RPA1: variants seen among roughly 807,000 people sequenced by gnomAD.
RPA1 encodes the protein replication protein A 70 kDa DNA-binding subunit.
In RPA1, 49 loss-of-function variants were observed where a neutral mutation model predicts 83.0. That is an observed-to-expected ratio of 0.59 (90% CI 0.47 to 0.75). The LOEUF is 0.75. RPA1 is among the 30% of genes least tolerant of loss of function. The pLI, the probability that RPA1 is intolerant of heterozygous loss-of-function variation, is 0.00. For missense variants in RPA1, 693 were observed against 776.1 expected, an observed-to-expected ratio of 0.89 and a Z score of 1.27; for synonymous variants, 279 against 281.8, an observed-to-expected ratio of 0.99 and a Z score of 0.10.
intron 3 of RPA1, among the ~76,000 whole-genome samples, chr17:1,844,259 A>G (rs145709143): frequency 7.2e-5 from 11 of 152,268 alleles, no homozygotes; most frequent in Non-Finnish European, 1.6e-4. Context: ...GATGATATTG[A>G]CATCGACTGA....
Position 1,878,928 on chromosome 17 carries a change from C to T in RPA1, c.691-65C>T. ...GGTGGCCTGTGTTCTATCCCAGTGT[C>T]ACTTGGGTGCTGGGGTGGCCTGTGT... On this transcript the variant is annotated intron_variant, in intron 8 of 16. Transcript: ENST00000254719. 3 of 1,501,390 alleles carry T rather than the reference C, an allele frequency of 2.0e-6. No individual in the cohort carries two copies. In the South Asian group the frequency reaches 3.4e-5, roughly 17 times the overall value. The allele number at this position is 1,501,390 out of a possible 1,614,324, so 93.0% of individuals were successfully genotyped here.
intron 15 of RPA1, among the ~76,000 whole-genome samples, chr17:1,892,368 A>T (rs1322200070): frequency 6.6e-6 from 1 of 152,160 alleles, no homozygotes; most frequent in Non-Finnish European, 1.5e-5. Flanking sequence ...TATTGTTTGT[A>T]TACAGTTTCT....
chr17:1,889,992 C>T (rs958030640), intron 14 of RPA1, among the ~76,000 whole-genome samples: 10 of 151,966 alleles, frequency 6.6e-5, no homozygotes, highest in African/African-American at 9.7e-5. Flanking sequence ...AAGAGCAAAA[C>T]TCCATCTCAA....
chr17:1,845,720 C>A (rs1912230059), intron 4 of RPA1, among the ~76,000 whole-genome samples: 2 of 152,046 alleles, frequency 1.3e-5, no homozygotes, highest in South Asian at 4.1e-4. Context: ...CACTTGAGCC[C>A]AGGAGTTTGC....
chr17:1,855,363 G>GTGTGTGTGTT lies in RPA1; in HGVS notation c.361+2177_361+2178insGTGTGTTTGT, dbSNP rs752248502. Among the ~76,000 whole-genome samples the GTGTGTGTGTT allele has an allele frequency of 2.1e-3, 254 of 120,154 alleles. 1 individual carries two copies. The highest frequency in any genetic ancestry group is 7.0e-3 in the African/African-American group (238 of 33,890). 78.8% of individuals were successfully genotyped at this position (120,154 alleles called of 152,430 possible). A position where few individuals can be genotyped will look rare whatever the true frequency, so the allele number is the denominator to read the frequency against. ...TGTGTGTGTGTGTGTGTGTGTGTGT[G>GTGTGTGTGTT]TGTTTAGTAGAGACAGGGTTTTGCC... On this transcript the variant is annotated intron_variant, in intron 5 of 16. Coordinates refer to ENST00000254719, the MANE Select transcript of RPA1 (RefSeq NM_002945.5).
At chr17:1,854,096 C>T (rs950064476) in intron 5 of RPA1, 4 of 151,958 alleles carry the variant, frequency 2.6e-5, no homozygotes, top group Non-Finnish European at 5.9e-5. Context: ...TAGAAAAGCA[C>T]ATTGAAATAA....
chr17:1,830,352 GAACA>G (rs1911494404), intron 1 of RPA1, among the ~76,000 whole-genome samples: 1 of 152,192 alleles, frequency 6.6e-6, no homozygotes, highest in Admixed American at 6.5e-5. Flanking sequence ...TCCTACGTAA[GAACA>G]AACTAAATAA....
At chr17:1,834,822 A>G (rs1413679518) in intron 1 of RPA1, among the ~76,000 whole-genome samples, 1 of 152,104 alleles carries the variant, frequency 6.6e-6, no homozygotes, top group Non-Finnish European at 1.5e-5. Flanking sequence ...GAAGATTTGA[A>G]CACATGTGCC....
At chr17:1,876,095 T>C (rs1195952525) in intron 7 of RPA1, among the ~76,000 whole-genome samples, 2 of 152,230 alleles carry the variant, frequency 1.3e-5, no homozygotes, top group Non-Finnish European at 2.9e-5. Context: ...GATAGTCTTA[T>C]GAGTAAAAAT....
intron 5 of RPA1, chr17:1,858,393 A>G (rs999738624): frequency 6.3e-7 from 1 of 1,595,754 alleles, no homozygotes; most frequent in Non-Finnish European, 8.6e-7. Context: ...GCTGAGGGCT[A>G]AAGTGGGCTC....
At chr17:1,872,572 C>A (rs774857743) in intron 6 of RPA1, 46 bp downstream of exon 6, 4 of 1,599,868 alleles carry the variant, frequency 2.5e-6, no homozygotes, top group Non-Finnish European at 3.4e-6. Flanking sequence ...TGTCAGACTT[C>A]GGAATCATGT....
chr17:1,895,827 C>T (rs746080442), intron 16 of RPA1, among the ~76,000 whole-genome samples: 8 of 151,910 alleles, frequency 5.3e-5, no homozygotes, highest in South Asian at 4.2e-4. Context: ...GGATTACAGG[C>T]GCCCGCCACC....
At chr17:1,895,742 G>A (rs1311405935) in intron 16 of RPA1, among the ~76,000 whole-genome samples, 2 of 151,110 alleles carry the variant, frequency 1.3e-5, no homozygotes, top group African/African-American at 2.4e-5. Context: ...GAGTGCAGTG[G>A]GACGATCTTG....
intron 5 of RPA1, among the ~76,000 whole-genome samples, chr17:1,859,319 G>A (rs1056561611): frequency 2.0e-5 from 3 of 152,124 alleles, no homozygotes; most frequent in South Asian, 4.2e-4. Flanking sequence ...AGGTCGAGTC[G>A]GTAAATTGTG....
intron 14 of RPA1, among the ~76,000 whole-genome samples, 192 bp downstream of exon 14, chr17:1,889,043 C>T (rs1190836347): frequency 6.6e-6 from 1 of 152,098 alleles, no homozygotes; most frequent in African/African-American, 2.4e-5. Context: ...CTGATTCAGT[C>T]TTTCATGCAC....
intron 5 of RPA1, among the ~76,000 whole-genome samples, chr17:1,859,922 C>T (rs929111656): frequency 3.9e-5 from 6 of 152,238 alleles, no homozygotes; most frequent in Non-Finnish European, 8.8e-5. Flanking sequence ...AAGCGATTCT[C>T]CTGCCTCAGC....
chr17:1,891,531 C>A, intron 14 of RPA1: 1 of 176,324 alleles, frequency 5.7e-6, no homozygotes, highest in Non-Finnish European at 1.2e-5. Flanking sequence ...GTGATTCTCC[C>A]GCCTCAGCCT....
chr17:1,866,904 G>A (rs1913196080), intron 5 of RPA1, among the ~76,000 whole-genome samples: 1 of 152,188 alleles, frequency 6.6e-6, no homozygotes, highest in South Asian at 2.1e-4. Flanking sequence ...CACTGAAGAT[G>A]TCGTTTCTAA....
In RPA1 at chr17:1,884,955, A is replaced by G. The variant is rs145139845; in HGVS notation, c.1374+1011A>G. Among the ~76,000 whole-genome samples, 1,394 of 152,326 alleles carry G rather than the reference A, an allele frequency of 9.2e-3. 20 individuals are homozygous for G. Among genetic ancestry groups the G allele is most frequent in the African/African-American group, 0.032 (1,322 of 41,558 alleles). Reference sequence around the variant, plus strand: ...GCAGTCACGGCGATGGTTGCTGAACATCGGCGTGTCTTTGGCAGTTTCTTA... The same window carrying G: ...GCAGTCACGGCGATGGTTGCTGAACGTCGGCGTGTCTTTGGCAGTTTCTTA... On this transcript the variant is annotated intron_variant, in intron 13 of 16. Transcript: ENST00000254719. This position sits in a 1 kb window ranked among gnomAD's most constrained non-coding sequence, Gnocchi z 4.1.
Sources: gnomAD v4.1 joint callset for allele counts (sites outside exome capture counted in the v4.1 genomes callset) on GRCh38, gnomAD v4.1.1 for gene constraint, Gnocchi (gnomAD v3.1) non-coding constraint, MANE v1.5 for transcripts, NCBI Gene and HGNC (gene_info 2026-07-23, HGNC 2026-07-21) for gene names.